ABCA8: variants seen among roughly 807,000 people sequenced by gnomAD.
The protein encoded by ABCA8 is ATP binding cassette subfamily A member 8.
A neutral mutation model predicts 192.3 loss-of-function variants in ABCA8; 177 were observed. The ratio of observed to expected loss-of-function variants is 0.92; its 90% CI spans 0.81 to 1.04. ABCA8 has a LOEUF of 1.04. Ranked by LOEUF, ABCA8 falls within the 50% of genes least tolerant of loss-of-function variation. ABCA8 has a pLI of 0.00. For synonymous variants in ABCA8, 642 were observed against 690.2 expected (o/e 0.93, Z 1.09); for missense variants, 1,915 against 1,904.8 (o/e 1.01, Z -0.10).
At chr17:68,941,063 T>G in intron 3 of ABCA8, 101 bp from the exon 4 acceptor site, 1 of 841,056 alleles carries the variant, frequency 1.2e-6, no homozygotes, top group Non-Finnish European at 1.8e-6. Flanking sequence ...TTTTCTAACT[T>G]CAATATATCC....
Position 68,885,286 on chromosome 17 carries a change from C to T in ABCA8, c.3459G>A (p.Ala1153=), listed in dbSNP as rs375561539. 8.0e-5 allele frequency: 129 copies of T among 1,611,444 alleles called. No homozygotes were observed. In the South Asian group the frequency reaches 8.8e-4, roughly 11 times the overall value. ...VVTVFSVAGF[A]FSIFESDIPF... is the part of the protein sequence containing the mutation. ...GAATATCACTTTCGAAGATACTGAA[C>T]GCAAATCCAGCCACAGAGAATACAG... The change falls in exon 27 of 40, where the codon GCG becomes GCA. Residue 1153 remains alanine, a synonymous_variant. Coordinates refer to ENST00000586539, the MANE Select transcript of ABCA8 (RefSeq NM_001288985.2).
intron 2 of ABCA8, among the ~76,000 whole-genome samples, chr17:68,945,909 A>G (rs1489611766): frequency 1.3e-5 from 2 of 152,096 alleles, no homozygotes; most frequent in African/African-American, 2.4e-5. Flanking sequence ...CACATAGTCT[A>G]GTTACTAGCA....
At position 68,912,573 on chromosome 17, in the gene ABCA8, C is replaced by G. The variant is rs577939678; in HGVS notation, c.2139-4694G>C. ...GAGAACATTCCATGCAAATAGAAAA[C>G]AGAAAAGAGCAGAAATAGATATCTT... On this transcript the variant is annotated intron_variant, in intron 17 of 39. Transcript: ENST00000586539. Among the ~76,000 whole-genome samples, 6 of 151,934 alleles carry G rather than the reference C, an allele frequency of 3.9e-5. No individual in the cohort carries two copies. In the East Asian group the frequency reaches 1.2e-3, roughly 29 times the overall value.
intron 39 of ABCA8, 45 bp downstream of exon 39, chr17:68,868,256 A>G: frequency 3.1e-6 from 5 of 1,607,180 alleles, no homozygotes; most frequent in South Asian, 2.2e-5. Flanking sequence ...GGAATGTTTT[A>G]TACACATATA....
At position 68,877,574 on chromosome 17, in the gene ABCA8, C is replaced by T. The variant is rs1233028605; in HGVS notation, c.4144G>A (p.Val1382Met). The change falls in exon 33 of 40, where the codon GTG becomes ATG. Residue 1382 changes from valine (V) to methionine (M), a missense_variant. Val to Met is a conservative substitution (Grantham distance 21). Coordinates refer to ENST00000586539, the MANE Select transcript of ABCA8 (RefSeq NM_001288985.2). The part of the protein sequence containing the change: ...PNLTVRQHLE[V>M]YAAVKGLRKG... Reference sequence around the variant, plus strand: ...CTCAGCCCTTTCACGGCGGCGTACACCTCCAGGTGCTGCCTCACTGTCAGG... The same window carrying T: ...CTCAGCCCTTTCACGGCGGCGTACATCTCCAGGTGCTGCCTCACTGTCAGG... 3.7e-6 allele frequency: 6 copies of T among 1,613,954 alleles called. No individual in the cohort carries two copies. In the South Asian group the frequency reaches 6.6e-5, roughly 18 times the overall value.
chr17:68,941,459 G>A (rs2068227882), intron 3 of ABCA8, among the ~76,000 whole-genome samples: 1 of 152,128 alleles, frequency 6.6e-6, no homozygotes, highest in African/African-American at 2.4e-5. Context: ...TATATGGTAA[G>A]ATTATAAGAG....
At position 68,883,881 on chromosome 17, in the gene ABCA8, G is replaced by A; in HGVS notation, c.3617C>T (p.Pro1206Leu). 1.9e-6 allele frequency: 3 copies of A among 1,555,636 alleles called. No individual in the cohort carries two copies. The highest frequency in any genetic ancestry group is 3.6e-5 in the Admixed American group (2 of 54,804). Reference sequence around the variant, plus strand: ...AAGAAAAATGATAAAATGAAGGAAAGGCTAGGAATAAAGAGAGATGCACAA... The same window carrying A: ...AAGAAAAATGATAAAATGAAGGAAAAGCTAGGAATAAAGAGAGATGCACAA... ...DVQPFLVFLI[P>L]FLHFIIFLFT... Residue 1206 changes from proline to leucine, a missense_variant and splice_region_variant, in exon 29 of 40, where the codon CCT (proline) becomes CTT (leucine). Coordinates refer to ENST00000586539, the MANE Select transcript of ABCA8 (RefSeq NM_001288985.2).
chr17:68,868,159 G>C lies in ABCA8; in HGVS notation c.4792C>G (p.Gln1598Glu). Residue 1598 changes from glutamine to glutamate, a missense_variant, in exon 40 of 40, where the codon CAG (glutamine) becomes GAG (glutamate). Physicochemically the swap from Gln to Glu is conservative, Grantham distance 29. Coordinates refer to ENST00000586539, the MANE Select transcript of ABCA8 (RefSeq NM_001288985.2). ...TCCTCCTCAAAATCACCCAGCTCCT[G>C]CTCCTTGGAGAGCTCCAGGAAAACC... is the stretch of plus-strand genomic sequence containing the variant. ...EQVFLELSKEQELGDFEEDFD... is the reference protein window; with the variant it reads ...EQVFLELSKEEELGDFEEDFD... The C allele has an allele frequency of 6.2e-7, 1 of 1,613,054 alleles. No homozygotes were observed. Among genetic ancestry groups the C allele is most frequent in the Non-Finnish European group, 8.5e-7 (1 of 1,179,458 alleles).
chr17:68,954,393 AT>A (rs1334247354), intron 1 of ABCA8, among the ~76,000 whole-genome samples: 1 of 152,062 alleles, frequency 6.6e-6, no homozygotes, highest in Non-Finnish European at 1.5e-5. Context: ...CCAATCCCTT[AT>A]ATCTTCCATC....
At chr17:68,945,817 G>A (rs1483388722) in intron 2 of ABCA8, among the ~76,000 whole-genome samples, 1 of 151,918 alleles carries the variant, frequency 6.6e-6, no homozygotes, top group Non-Finnish European at 1.5e-5. Flanking sequence ...ATATGTGTGT[G>A]TGTGCGCATA....
intron 1 of ABCA8, among the ~76,000 whole-genome samples, chr17:68,954,395 A>G (rs1031098479): frequency 2.6e-5 from 4 of 152,136 alleles, no homozygotes; most frequent in African/African-American, 7.2e-5. Context: ...AATCCCTTAT[A>G]TCTTCCATCG....
At chr17:68,913,252 T>C (rs903918875) in intron 17 of ABCA8, among the ~76,000 whole-genome samples, 1 of 152,050 alleles carries the variant, frequency 6.6e-6, no homozygotes, top group African/African-American at 2.4e-5. Flanking sequence ...GTGGAAGCAT[T>C]ACTAAATGGA....
intron 32 of ABCA8, 153 bp from the exon 33 acceptor site, chr17:68,877,832 G>A: frequency 2.7e-6 from 2 of 754,432 alleles, no homozygotes; most frequent in Middle Eastern, 2.5e-4. Context: ...TTGGAGAAAG[G>A]TTGTCAGAGA....
intron 2 of ABCA8, among the ~76,000 whole-genome samples, 163 bp from the exon 3 acceptor site, chr17:68,942,202 C>T (rs1347524708): frequency 6.6e-6 from 1 of 152,142 alleles, no homozygotes; most frequent in East Asian, 1.9e-4. Context: ...CCCATGCTCT[C>T]CTTCCGTCCC....
At position 68,882,071 on chromosome 17, in the gene ABCA8, G is replaced by A. The variant is rs893341902; in HGVS notation, c.3829-91C>T. On this transcript the variant is annotated intron_variant, in intron 30 of 39. Coordinates refer to ENST00000586539, the MANE Select transcript of ABCA8 (RefSeq NM_001288985.2). The stretch of plus-strand genomic sequence containing the variant: ...CATCTTCCCATTGGCTGGACCCTTT[G>A]TTGCCCCAGCCATGCATCAAAGAAG... The A allele has an allele frequency of 3.7e-6, 4 of 1,090,038 alleles. No homozygotes were observed. In the African/African-American group the frequency reaches 6.2e-5, roughly 17 times the overall value. 67.5% of individuals were successfully genotyped at this position (1,090,038 alleles called of 1,614,324 possible).
intron 7 of ABCA8, chr17:68,931,785 T>TCC (rs1567873332): frequency 7.1e-6 from 1 of 141,170 alleles, no homozygotes; most frequent in Non-Finnish European, 1.5e-5. Context: ...TTTTTTTTTT[T>TCC]TGTCCATCAC....
At chr17:68,895,978 G>A (rs2066745256) in intron 21 of ABCA8, among the ~76,000 whole-genome samples, 1 of 152,082 alleles carries the variant, frequency 6.6e-6, no homozygotes, top group Non-Finnish European at 1.5e-5. Flanking sequence ...CACCACCCCT[G>A]CCAAGTACCC....
At chr17:68,943,016 GATCT>G (rs1238745556) in intron 2 of ABCA8, among the ~76,000 whole-genome samples, 5 of 152,088 alleles carry the variant, frequency 3.3e-5, no homozygotes, top group East Asian at 1.9e-4. Flanking sequence ...TTTAGGAATT[GATCT>G]ATCTAAGACA....
chr17:68,930,136 C>T (rs2067820706), intron 7 of ABCA8, among the ~76,000 whole-genome samples: 1 of 152,164 alleles, frequency 6.6e-6, no homozygotes, highest in Admixed American at 6.5e-5. Context: ...CCACTGAAGA[C>T]TAAATAAGAT....
Sources: gnomAD v4.1 joint callset for allele counts (sites outside exome capture counted in the v4.1 genomes callset) on GRCh38, gnomAD v4.1.1 for gene constraint, MANE v1.5 for transcripts, NCBI Gene and HGNC (gene_info 2026-07-23, HGNC 2026-07-21) for gene names.